The following SAMD12 variants were observed in gnomAD, a reference collection of about 807,000 sequenced individuals.
SAMD12 encodes sterile alpha motif domain-containing protein 12.
Under a neutral mutation model 15.0 loss-of-function variants are expected in SAMD12, and 9 were observed. That is an observed-to-expected ratio of 0.60 (90% CI 0.36 to 1.05). The LOEUF is 1.05. SAMD12 is among the 50% of genes least tolerant of loss of function. The pLI is 0.01. For missense variants in SAMD12, 230 were observed against 234.2 expected (o/e 0.98, Z 0.12); for synonymous variants, 86 against 90.1 (o/e 0.96, Z 0.25).
chr8:118,535,314 G>A (rs760742545), intron 2 of SAMD12, among the ~76,000 whole-genome samples: 5 of 152,184 alleles, frequency 3.3e-5, no homozygotes, highest in Admixed American at 1.3e-4. Context: ...TGGAAGCTTC[G>A]TCTCAAAGGG....
intron 2 of SAMD12, among the ~76,000 whole-genome samples, chr8:118,527,865 T>C (rs1350152827): frequency 6.6e-6 from 1 of 152,200 alleles, no homozygotes; most frequent in Non-Finnish European, 1.5e-5. Flanking sequence ...GTTAGAAAAA[T>C]GAATTATATT....
At chr8:118,552,577 T>C (rs374033871) in intron 2 of SAMD12, among the ~76,000 whole-genome samples, 3 of 152,298 alleles carry the variant, frequency 2.0e-5, no homozygotes, top group African/African-American at 4.8e-5. Flanking sequence ...CAGTATCATA[T>C]TGAATGGGCA....
In SAMD12 at chr8:118,378,663, G is replaced by A. The variant is rs942391021; in HGVS notation, c.*754C>T. The A allele has an allele frequency of 1.6e-5, 16 of 984,642 alleles. No individual in the cohort carries two copies. The highest frequency in any genetic ancestry group is 3.5e-5 in the African/African-American group (2 of 57,164). The allele number at this position is 984,642 out of a possible 1,614,324, so 61.0% of individuals were successfully genotyped here. A position where few individuals can be genotyped will look rare whatever the true frequency, so the allele number is the denominator to read the frequency against. ...ATTCTGCAGAATGACAAATACTCAA[G>A]GCTCTCAAAAACACATATTTTATCA... On this transcript the variant is annotated 3_prime_UTR_variant, in exon 4 of 4. Coordinates refer to ENST00000314727, the MANE Select transcript of SAMD12 (RefSeq NM_207506.3).
At chr8:118,600,874 G>T (rs953749820) in intron 1 of SAMD12, among the ~76,000 whole-genome samples, 5 of 151,784 alleles carry the variant, frequency 3.3e-5, no homozygotes, top group African/African-American at 1.2e-4. Flanking sequence ...TTTCTAATCT[G>T]AACAATGTGT....
At chr8:118,310,203 CT>C (rs911208112) in intron 4 of SAMD12, among the ~76,000 whole-genome samples, 5 of 152,180 alleles carry the variant, frequency 3.3e-5, no homozygotes, top group African/African-American at 1.2e-4. Flanking sequence ...AAAATCACTC[CT>C]TCCTTTGTGC....
intron 2 of SAMD12, among the ~76,000 whole-genome samples, chr8:118,579,440 T>G (rs377382657): frequency 6.6e-6 from 1 of 152,154 alleles, no homozygotes; most frequent in Non-Finnish European, 1.5e-5. Flanking sequence ...CCATTTCTCT[T>G]AGCTAAAATG....
Position 118,487,525 on chromosome 8 carries a change from G to A in SAMD12, c.193-47564C>T, listed in dbSNP as rs932802647. On this transcript the variant is annotated intron_variant, in intron 2 of 3. Transcript: ENST00000314727. ...CAATAACATAGCGGTTTAGCAAAAAGAAGAAATCCACATCTGGATGCCTCA... is the reference window on the plus strand; with the variant it reads ...CAATAACATAGCGGTTTAGCAAAAAAAAGAAATCCACATCTGGATGCCTCA... 3.3e-5 allele frequency among the ~76,000 whole-genome samples: 5 copies of A among 152,150 alleles called. No homozygotes were observed. The South Asian group carries it at 6.2e-4, about 19-fold the overall frequency.
chr8:118,464,681 G>A (rs1440090205), intron 2 of SAMD12, among the ~76,000 whole-genome samples: 1 of 151,916 alleles, frequency 6.6e-6, no homozygotes, highest in Non-Finnish European at 1.5e-5. Flanking sequence ...CATAGTTCCT[G>A]TTACAGGCTC....
At chr8:118,208,458 C>T (rs1048251310) in intron 4 of SAMD12, among the ~76,000 whole-genome samples, 7 of 152,108 alleles carry the variant, frequency 4.6e-5, no homozygotes, top group African/African-American at 1.7e-4. Flanking sequence ...CAGGTGATAC[C>T]AGTGCTGCTG....
At chr8:118,537,107 T>C (rs1053853846) in intron 2 of SAMD12, among the ~76,000 whole-genome samples, 3 of 152,198 alleles carry the variant, frequency 2.0e-5, no homozygotes, top group African/African-American at 7.2e-5. Context: ...ATGCCACTCT[T>C]TCCTGGCCTG....
At chr8:118,180,435 A>G in the SAMD12 span, among the ~76,000 whole-genome samples, 126 of 152,020 alleles carry the variant, frequency 8.3e-4, 1 homozygote, top group Non-Finnish European at 1.5e-3. Flanking sequence ...CCTGCCCCCA[A>G]CCCGCTGACC....
chr8:118,321,524 G>A (rs1446013020), intron 4 of SAMD12, among the ~76,000 whole-genome samples: 1 of 152,038 alleles, frequency 6.6e-6, no homozygotes, highest in Non-Finnish European at 1.5e-5. Flanking sequence ...TGAGGCAGGA[G>A]AATTGCTTGA....
intron 4 of SAMD12, among the ~76,000 whole-genome samples, chr8:118,232,791 G>A (rs748756419): frequency 2.0e-5 from 3 of 152,126 alleles, no homozygotes; most frequent in Non-Finnish European, 4.4e-5. Context: ...GCCAACAGAG[G>A]GTGTAGGCTC....
At chr8:118,588,797 A>G (rs1827510963) in intron 1 of SAMD12, among the ~76,000 whole-genome samples, 1 of 152,196 alleles carries the variant, frequency 6.6e-6, no homozygotes, top group Admixed American at 6.5e-5. Context: ...TTGCAGGACT[A>G]GCCTCTGACT....
At chr8:118,607,239 CT>C (rs35374950) in intron 1 of SAMD12, among the ~76,000 whole-genome samples, 18 of 149,682 alleles carry the variant, frequency 1.2e-4, no homozygotes, top group East Asian at 9.8e-4. Context: ...CCCAAATGTC[CT>C]TTTTTTTTTC....
At chr8:118,510,120 A>G (rs576012160) in intron 2 of SAMD12, among the ~76,000 whole-genome samples, 97 of 152,264 alleles carry the variant, frequency 6.4e-4, no homozygotes, top group African/African-American at 2.1e-3. Flanking sequence ...GTGCTAGGCT[A>G]ATACTTTAGA....
At chr8:118,196,046 C>T (rs558099773) in exon 5 of SAMD12, 1 of 152,302 alleles carries the variant, frequency 6.6e-6, no homozygotes, top group East Asian at 1.9e-4. Flanking sequence ...TGTTGGAAGC[C>T]CCCTTCTCTG....
At chr8:118,330,885 G>A (rs1342418970) in intron 4 of SAMD12, among the ~76,000 whole-genome samples, 2 of 152,056 alleles carry the variant, frequency 1.3e-5, no homozygotes, top group Admixed American at 6.6e-5. Context: ...TGGGGGACAA[G>A]TATAGTAAAA....
chr8:118,522,781 A>G (rs1173066116), intron 2 of SAMD12, among the ~76,000 whole-genome samples: 1 of 152,204 alleles, frequency 6.6e-6, no homozygotes, highest in Admixed American at 6.5e-5. Context: ...TACACAAATT[A>G]TGAAAACAAA....
Sources: allele counts gnomAD v4.1 joint callset (sites outside exome capture counted in the v4.1 genomes callset), GRCh38; gene constraint gnomAD v4.1.1; transcripts MANE v1.5; gene names NCBI Gene and HGNC (gene_info 2026-07-23, HGNC 2026-07-21).